Variants in TECRL observed in about 807,000 individuals in gnomAD.
The protein encoded by TECRL is trans-2,3-enoyl-CoA reductase-like.
In TECRL, 63 loss-of-function variants were observed where a neutral mutation model predicts 52.8. The observed-to-expected ratio is 1.19, with a 90% CI of 0.97 to 1.47. The LOEUF (loss-of-function observed/expected upper bound fraction) is 1.47, where lower values mean the gene tolerates loss of function less well. TECRL is among the 40% of genes most tolerant of loss of function. The probability of loss-of-function intolerance (pLI) is 0.00; values close to 1 mark genes in which losing one functional copy is unlikely to be tolerated. For synonymous variants in TECRL, 164 were observed against 141.9 expected (o/e 1.16, Z -1.10); for missense variants, 482 against 429.6 (o/e 1.12, Z -1.08).
chr4:64,347,807 G>A (rs912728599), intron 2 of TECRL, among the ~76,000 whole-genome samples: 11 of 152,168 alleles, frequency 7.2e-5, no homozygotes, highest in African/African-American at 2.4e-4. Context: ...ATGAGGTTTG[G>A]GTTGGGACAC....
At chr4:64,401,871 A>C (rs781556130) in intron 1 of TECRL, among the ~76,000 whole-genome samples, 18 of 152,158 alleles carry the variant, frequency 1.2e-4, no homozygotes, top group Non-Finnish European at 2.4e-4. Context: ...TCTTATTTGC[A>C]CAATATGCTC....
chr4:64,375,426 T>C (rs2109681348), intron 1 of TECRL, among the ~76,000 whole-genome samples: 1 of 152,128 alleles, frequency 6.6e-6, no homozygotes, highest in East Asian at 1.9e-4. Flanking sequence ...AATTTGTTTG[T>C]ATACAACAGT....
rs547280613 is a variant in TECRL, at chr4:64,362,357, A to G, written c.286+12815T>C. 9.9e-5 allele frequency among the ~76,000 whole-genome samples: 15 copies of G among 152,170 alleles called. No individual in the cohort carries two copies. In the South Asian group the frequency reaches 3.1e-3, roughly 32 times the overall value. On this transcript the variant is annotated intron_variant, in intron 2 of 11. Coordinates refer to ENST00000381210, the MANE Select transcript of TECRL (RefSeq NM_001010874.5). ...ATTCAGGAAACTCAGAGAACCACTGAGGGATGCTATGAAAAACAACCATCC... is the reference window on the plus strand; with the variant it reads ...ATTCAGGAAACTCAGAGAACCACTGGGGGATGCTATGAAAAACAACCATCC...
At chr4:64,392,443 C>T (rs936082571) in intron 1 of TECRL, among the ~76,000 whole-genome samples, 3 of 151,852 alleles carry the variant, frequency 2.0e-5, no homozygotes, top group Non-Finnish European at 2.9e-5. Flanking sequence ...ATCATGACAT[C>T]GAGCTCAAAC....
chr4:64,330,586 T>G (rs1004292097), intron 2 of TECRL, among the ~76,000 whole-genome samples: 1 of 152,096 alleles, frequency 6.6e-6, no homozygotes, highest in Non-Finnish European at 1.5e-5. Flanking sequence ...GAAGAATACT[T>G]GACCCTTGGA....
intron 7 of TECRL, among the ~76,000 whole-genome samples, chr4:64,302,311 G>A (rs946369492): frequency 2.6e-4 from 39 of 151,498 alleles, no homozygotes; most frequent in African/African-American, 8.9e-4. Context: ...ATAGATTGTG[G>A]TGAAAATTGT....
At chr4:64,316,999 C>T (rs1477147439) in intron 4 of TECRL, among the ~76,000 whole-genome samples, 2 of 152,160 alleles carry the variant, frequency 1.3e-5, no homozygotes, top group Non-Finnish European at 2.9e-5. Flanking sequence ...TAATAATCGG[C>T]CAGGCGCTGT....
At chr4:64,356,980 A>G (rs1387138096) in intron 2 of TECRL, among the ~76,000 whole-genome samples, 1 of 152,204 alleles carries the variant, frequency 6.6e-6, no homozygotes, top group African/African-American at 2.4e-5. Flanking sequence ...ATAGTAGAAA[A>G]GGTAAATATT....
Position 64,279,893 on chromosome 4 carries a change from A to T in TECRL, c.*179T>A. On this transcript the variant is annotated 3_prime_UTR_variant, in exon 12 of 12. Coordinates refer to ENST00000381210, the MANE Select transcript of TECRL (RefSeq NM_001010874.5). Reference sequence around the variant, plus strand: ...TTAGTTAATTGCATTTATAATTTATACTTTTTATTACCATGTGCATTTCTC... The same window carrying T: ...TTAGTTAATTGCATTTATAATTTATTCTTTTTATTACCATGTGCATTTCTC... 5.1e-6 allele frequency: 6 copies of T among 1,167,440 alleles called. No individual in the cohort carries two copies. Among genetic ancestry groups the T allele is most frequent in the Non-Finnish European group, 6.3e-6 (6 of 945,038 alleles). 72.3% of individuals were successfully genotyped at this position (1,167,440 alleles called of 1,614,324 possible).
intron 8 of TECRL, among the ~76,000 whole-genome samples, chr4:64,296,941 A>C (rs1018882302): frequency 2.0e-5 from 3 of 151,522 alleles, no homozygotes; most frequent in Admixed American, 6.6e-5. Flanking sequence ...TAGATTTGTG[A>C]TACCCGAACA....
At chr4:64,385,130 C>T (rs1375315087) in intron 1 of TECRL, among the ~76,000 whole-genome samples, 3 of 152,098 alleles carry the variant, frequency 2.0e-5, no homozygotes, top group African/African-American at 7.2e-5. Context: ...GCACAATCCT[C>T]ATAGAGGCTG....
At chr4:64,349,525 A>T (rs1471310839) in intron 2 of TECRL, among the ~76,000 whole-genome samples, 1 of 152,202 alleles carries the variant, frequency 6.6e-6, no homozygotes, top group African/African-American at 2.4e-5. Context: ...GTGAAAATCC[A>T]AAATCCTTGA....
At chr4:64,291,787 A>C (rs1723405004) in intron 8 of TECRL, among the ~76,000 whole-genome samples, 1 of 151,962 alleles carries the variant, frequency 6.6e-6, no homozygotes, top group Non-Finnish European at 1.5e-5. Context: ...CTAGAAGAAA[A>C]TATAATTACA....
At chr4:64,318,265 C>T (rs546236203) in intron 4 of TECRL, among the ~76,000 whole-genome samples, 12 of 152,042 alleles carry the variant, frequency 7.9e-5, no homozygotes, top group African/African-American at 2.6e-4. Flanking sequence ...ACAGGAATAT[C>T]AGACACAAAC....
chr4:64,409,294 T>C lies in TECRL; in HGVS notation c.58A>G (p.Arg20Gly). 6.2e-7 allele frequency: 1 copy of C among 1,613,782 alleles called. No homozygotes were observed. The highest frequency in any genetic ancestry group is 8.5e-7 in the Non-Finnish European group (1 of 1,179,788). ...SERKRALLSQ[R>G]ATRFILKDDM... is the part of the protein sequence containing the mutation. The stretch of plus-strand genomic sequence containing the variant: ...TCCTTCAGTATGAACCGTGTAGCTC[T>C]TTGGGAAAGTAATGCTCTCTTGCGT... The change falls in exon 1 of 12, where the codon AGA becomes GGA. Residue 20 changes from arginine to glycine, a missense_variant. Coordinates refer to ENST00000381210, the MANE Select transcript of TECRL (RefSeq NM_001010874.5).
chr4:64,378,343 A>C (rs144975825), intron 1 of TECRL, among the ~76,000 whole-genome samples: 422 of 152,150 alleles, frequency 2.8e-3, no homozygotes, highest in African/African-American at 9.5e-3. Context: ...AGGCAGAAGG[A>C]TCACTTGAGC....
chr4:64,376,265 C>T lies in TECRL; in HGVS notation c.235-1042G>A, dbSNP rs1177714162. On this transcript the variant is annotated intron_variant, in intron 1 of 11. Transcript: ENST00000381210. ...CTGTTCAGAACTTTTTTTATGATTT[C>T]CTGTGTGTATATGATTTACTAAATA... 3.3e-5 allele frequency among the ~76,000 whole-genome samples: 5 copies of T among 151,630 alleles called. No individual in the cohort carries two copies. The South Asian group carries it at 6.2e-4, about 19-fold the overall frequency.
rs75953417 is a variant in TECRL, at chr4:64,341,978, C to T, written c.287-13422G>A. Among the ~76,000 whole-genome samples the T allele has an allele frequency of 2.4e-3, 363 of 152,246 alleles. 1 individual carries two copies. The highest frequency in any genetic ancestry group is 8.1e-3 in the African/African-American group (336 of 41,556). On this transcript the variant is annotated intron_variant, in intron 2 of 11. Coordinates refer to ENST00000381210, the MANE Select transcript of TECRL (RefSeq NM_001010874.5). ...TCCACACCTGACTTCAGTTTCCCTT[C>T]GAGGTGTGGGATCCGGGCCAGTAGC...
At chr4:64,369,291 A>C (rs1721826635) in intron 2 of TECRL, among the ~76,000 whole-genome samples, 1 of 152,092 alleles carries the variant, frequency 6.6e-6, no homozygotes, top group Admixed American at 6.6e-5. Context: ...TTTAAGCCAT[A>C]TTTTCACTCT....
Sources: gnomAD v4.1 joint callset for allele counts (sites outside exome capture counted in the v4.1 genomes callset) on GRCh38, gnomAD v4.1.1 for gene constraint, MANE v1.5 for transcripts, NCBI Gene and HGNC (gene_info 2026-07-23, HGNC 2026-07-21) for gene names.